COL5A2: variants seen among roughly 807,000 people sequenced by gnomAD.
COL5A2 encodes collagen type V alpha 2 chain.
Under a neutral mutation model 208.2 loss-of-function variants are expected in COL5A2, and 23 were observed. That is an observed-to-expected ratio of 0.11 (90% CI 0.08 to 0.16). The LOEUF is 0.16. COL5A2 is among the 10% of genes least tolerant of loss of function. The probability of loss-of-function intolerance (pLI) is 1.00; values close to 1 mark genes in which losing one functional copy is unlikely to be tolerated. For missense variants in COL5A2, 1,590 were observed against 1,956.4 expected (o/e 0.81, Z 3.53); for synonymous variants, 625 against 628.5 (o/e 0.99, Z 0.08).
At chr2:189,174,740 C>T (rs1024756694) in intron 1 of COL5A2, among the ~76,000 whole-genome samples, 3 of 152,148 alleles carry the variant, frequency 2.0e-5, no homozygotes, top group Non-Finnish European at 2.9e-5. Context: ...TGATCTGTGG[C>T]TTGCTTACCA....
chr2:189,057,139 G>A (rs990323391), intron 34 of COL5A2, 113 bp from the exon 35 acceptor site: 29 of 1,258,430 alleles, frequency 2.3e-5, no homozygotes, highest in Non-Finnish European at 2.4e-5. Context: ...GTATCCAGGT[G>A]AGCCTGGGAT....
the COL5A2 span, among the ~76,000 whole-genome samples, chr2:189,358,130 C>T: frequency 6.6e-6 from 1 of 151,906 alleles, no homozygotes; most frequent in African/African-American, 2.4e-5. Context: ...CCTTCTATGT[C>T]GATCTCGCTG....
chr2:189,322,872 A>T, the COL5A2 span, among the ~76,000 whole-genome samples: 617 of 152,330 alleles, frequency 4.1e-3, 7 homozygotes, highest in African/African-American at 0.014. Flanking sequence ...GCACAACAAA[A>T]AAAGAGAATT....
intron 1 of COL5A2, among the ~76,000 whole-genome samples, chr2:189,169,973 T>G (rs1241063101): frequency 3.9e-5 from 6 of 152,336 alleles, no homozygotes; most frequent in African/African-American, 1.4e-4. Flanking sequence ...CAGCTCGGCC[T>G]CTGAAAGTGC....
Position 189,052,738 on chromosome 2 carries a change from A to G in COL5A2, c.2715+11T>C, listed in dbSNP as rs371363636. On this transcript the variant is annotated intron_variant, in intron 40 of 53. Transcript: ENST00000374866. The stretch of plus-strand genomic sequence containing the variant: ...GCTGTGCATACTTTGCAGAGCATCA[A>G]ATAAACTTACAGGCGGACCTTGGGT... 139 of 1,613,802 alleles carry G rather than the reference A, an allele frequency of 8.6e-5. No individual in the cohort carries two copies. The highest frequency in any genetic ancestry group is 8.1e-5 in the Non-Finnish European group (96 of 1,179,776).
At chr2:189,214,290 A>G (rs1246366900) in intron 1 of COL5A2, among the ~76,000 whole-genome samples, 1 of 152,088 alleles carries the variant, frequency 6.6e-6, no homozygotes, top group Non-Finnish European at 1.5e-5. Context: ...AATGTTCAAC[A>G]ATAGCAGCTT....
intron 18 of COL5A2, among the ~76,000 whole-genome samples, chr2:189,070,454 A>G (rs1245476371): frequency 1.3e-5 from 2 of 152,188 alleles, no homozygotes; most frequent in African/African-American, 4.8e-5. Flanking sequence ...CAGGAATTTT[A>G]TGGTGGAGAG....
intron 18 of COL5A2, among the ~76,000 whole-genome samples, chr2:189,071,419 C>T (rs1478045293): frequency 6.6e-6 from 1 of 152,134 alleles, no homozygotes; most frequent in Non-Finnish European, 1.5e-5. Flanking sequence ...TACTGTCATC[C>T]TTGAATTTAT....
the COL5A2 span, among the ~76,000 whole-genome samples, chr2:189,299,477 C>T: frequency 6.6e-6 from 1 of 152,166 alleles, no homozygotes; most frequent in African/African-American, 2.4e-5. Context: ...CTGCTGAGAT[C>T]TGATATCAAC....
the COL5A2 span, among the ~76,000 whole-genome samples, chr2:189,362,688 C>T: frequency 2.6e-5 from 4 of 152,210 alleles, no homozygotes; most frequent in South Asian, 8.3e-4. Context: ...ATCAGCTTTC[C>T]TATTCTTCCT....
chr2:189,104,464 T>A (rs1687112004), intron 2 of COL5A2, among the ~76,000 whole-genome samples, 187 bp from the exon 3 acceptor site: 1 of 151,940 alleles, frequency 6.6e-6, no homozygotes, highest in East Asian at 1.9e-4. Flanking sequence ...AAAAAATGCA[T>A]CTTTTTGGAA....
At chr2:189,308,243 G>T in the COL5A2 span, among the ~76,000 whole-genome samples, 68 of 133,122 alleles carry the variant, frequency 5.1e-4, no homozygotes, top group African/African-American at 1.9e-3. Context: ...AAAATAAACC[G>T]GTTCAGGCCA....
At chr2:189,054,887 A>AT (rs60485002) in intron 35 of COL5A2, among the ~76,000 whole-genome samples, 454 of 140,850 alleles carry the variant, frequency 3.2e-3, no homozygotes, top group East Asian at 0.016. Context: ...AGTTTTCTTC[A>AT]TTTTTTTTTT....
the COL5A2 span, among the ~76,000 whole-genome samples, chr2:189,400,033 T>C: frequency 6.6e-6 from 1 of 152,222 alleles, no homozygotes. Context: ...ATCAGATTTA[T>C]TGTGGCCTAT....
intron 10 of COL5A2, among the ~76,000 whole-genome samples, chr2:189,085,440 C>G (rs549850304): frequency 6.6e-6 from 1 of 152,110 alleles, no homozygotes; most frequent in East Asian, 1.9e-4. Context: ...AAAAGCAAAT[C>G]GCTCAGCACT....
At chr2:189,261,642 A>C in the COL5A2 span, among the ~76,000 whole-genome samples, 2 of 152,208 alleles carry the variant, frequency 1.3e-5, no homozygotes, top group African/African-American at 4.8e-5. Context: ...GACCCAGATT[A>C]GATTTCCTGT....
intron 16 of COL5A2, among the ~76,000 whole-genome samples, chr2:189,076,461 A>G (rs1462143151): frequency 6.6e-6 from 1 of 152,184 alleles, no homozygotes; most frequent in Admixed American, 6.5e-5. Context: ...GGCATTTGAG[A>G]AGAATTAAGA....
intron 46 of COL5A2, 92 bp from the exon 47 acceptor site, chr2:189,045,324 G>A: frequency 1.3e-6 from 1 of 766,216 alleles, no homozygotes; most frequent in South Asian, 1.5e-5. Flanking sequence ...GTTTATAGTT[G>A]GATGCATATA....
Position 189,104,262 on chromosome 2 carries a change from A to G in COL5A2, c.336+2T>C. The G allele has an allele frequency of 6.6e-7, 1 of 1,507,200 alleles. No individual in the cohort carries two copies. Among genetic ancestry groups the G allele is most frequent in the African/African-American group, 1.4e-5 (1 of 72,746 alleles). 93.4% of individuals were successfully genotyped at this position (1,507,200 alleles called of 1,614,324 possible). A position where few individuals can be genotyped will look rare whatever the true frequency, so the allele number is the denominator to read the frequency against. The stretch of plus-strand genomic sequence containing the variant: ...AAAGAAAATATGCAAAGTAACACTT[A>G]CCTTTCTTCCTCTACCTGTAAAAAG... On this transcript the variant is annotated splice_donor_variant, in intron 3 of 53. Coordinates refer to ENST00000374866, the MANE Select transcript of COL5A2 (RefSeq NM_000393.5). LOFTEE classifies it high-confidence loss of function.
Sources: allele counts gnomAD v4.1 joint callset (sites outside exome capture counted in the v4.1 genomes callset), GRCh38; gene constraint gnomAD v4.1.1; transcripts MANE v1.5; gene names NCBI Gene and HGNC (gene_info 2026-07-23, HGNC 2026-07-21).